The following SPIDR variants were observed in gnomAD, a reference collection of about 807,000 sequenced individuals.
SPIDR encodes the protein DNA repair-scaffolding protein.
Under a neutral mutation model 104.6 loss-of-function variants are expected in SPIDR, and 93 were observed. That is an observed-to-expected ratio of 0.89 (90% CI 0.75 to 1.06). The LOEUF is 1.06. Ranked by LOEUF, SPIDR falls within the 50% of genes least tolerant of loss-of-function variation. SPIDR has a pLI of 0.00. For synonymous variants in SPIDR, 431 were observed against 416.9 expected (o/e 1.03, Z -0.41); for missense variants, 1,154 against 1,111.2 (o/e 1.04, Z -0.55).
chr8:47,692,985 G>A (rs779154058), intron 11 of SPIDR, among the ~76,000 whole-genome samples: 1 of 152,130 alleles, frequency 6.6e-6, no homozygotes, highest in Non-Finnish European at 1.5e-5. Flanking sequence ...CAGAGCGATG[G>A]CCTCATTTTA....
intron 10 of SPIDR, among the ~76,000 whole-genome samples, chr8:47,669,657 A>T (rs1379023701): frequency 6.6e-6 from 1 of 152,184 alleles, no homozygotes; most frequent in African/African-American, 2.4e-5. Context: ...GAAACTTTGT[A>T]TTTGGATCTG....
chr8:47,453,645 G>A (rs2072345325), intron 8 of SPIDR, among the ~76,000 whole-genome samples: 1 of 152,136 alleles, frequency 6.6e-6, no homozygotes, highest in Non-Finnish European at 1.5e-5. Context: ...TGGAAAAACT[G>A]GCTAGCCATA....
At chr8:47,514,397 G>C (rs762202191) in intron 8 of SPIDR, among the ~76,000 whole-genome samples, 2 of 152,214 alleles carry the variant, frequency 1.3e-5, no homozygotes, top group Admixed American at 1.3e-4. Context: ...CTGTGTTGGT[G>C]CTGATGACAT....
chr8:47,674,017 AT>A (rs2076120036), intron 11 of SPIDR, 76 bp downstream of exon 11: 2 of 1,500,814 alleles, frequency 1.3e-6, no homozygotes, highest in Non-Finnish European at 1.8e-6. Context: ...CTCTAATTTT[AT>A]TTTTAAAATT....
At chr8:47,267,472 C>T (rs1236909936) in intron 1 of SPIDR, among the ~76,000 whole-genome samples, 24 of 152,220 alleles carry the variant, frequency 1.6e-4, no homozygotes, top group Admixed American at 1.4e-3. Flanking sequence ...TACAGTCTCA[C>T]CAGCAAGGAA....
chr8:47,359,817 G>A (rs1554628628), intron 5 of SPIDR, among the ~76,000 whole-genome samples: 1 of 152,104 alleles, frequency 6.6e-6, no homozygotes, highest in Non-Finnish European at 1.5e-5. Flanking sequence ...TTAAAAAATG[G>A]GATACTTCGT....
At chr8:47,579,196 A>G (rs2059452096) in intron 8 of SPIDR, among the ~76,000 whole-genome samples, 1 of 152,200 alleles carries the variant, frequency 6.6e-6, no homozygotes, top group South Asian at 2.1e-4. Flanking sequence ...GTCATATTTC[A>G]TGCTGGTGTA....
chr8:47,317,133 G>A (rs1395306172), intron 5 of SPIDR, among the ~76,000 whole-genome samples: 20 of 152,260 alleles, frequency 1.3e-4, no homozygotes, highest in East Asian at 3.9e-4. Flanking sequence ...TGCACCCAGC[G>A]TGAGCCGAAG....
At chr8:47,389,379 G>A (rs1210570297) in intron 5 of SPIDR, among the ~76,000 whole-genome samples, 26 of 152,164 alleles carry the variant, frequency 1.7e-4, no homozygotes, top group African/African-American at 6.0e-4. Flanking sequence ...TTTTTTGTAA[G>A]GATGATTTGG....
intron 10 of SPIDR, among the ~76,000 whole-genome samples, chr8:47,665,966 G>A (rs2074862525): frequency 1.3e-5 from 2 of 152,250 alleles, no homozygotes; most frequent in Non-Finnish European, 2.9e-5. Flanking sequence ...ATTTGGAAAA[G>A]CTTTAAATTG....
At chr8:47,265,160 G>A (rs2033642226) in intron 1 of SPIDR, among the ~76,000 whole-genome samples, 1 of 148,794 alleles carries the variant, frequency 6.7e-6, no homozygotes, top group African/African-American at 2.5e-5. Flanking sequence ...CTCAGAATTA[G>A]ACTACTTAGT....
At chr8:47,418,356 T>A (rs1469357881) in intron 7 of SPIDR, among the ~76,000 whole-genome samples, 8 of 152,212 alleles carry the variant, frequency 5.3e-5, no homozygotes, top group African/African-American at 1.9e-4. Context: ...GTAAGTTGGA[T>A]TCCTAGGTAT....
chr8:47,506,359 G>A (rs947232471), intron 8 of SPIDR, among the ~76,000 whole-genome samples: 1 of 152,092 alleles, frequency 6.6e-6, no homozygotes. Context: ...AATAATGAGG[G>A]TCTCACTCTA....
At chr8:47,601,420 G>T (rs2062262488) in intron 10 of SPIDR, among the ~76,000 whole-genome samples, 1 of 152,190 alleles carries the variant, frequency 6.6e-6, no homozygotes, top group African/African-American at 2.4e-5. Flanking sequence ...GAGAGGCTAG[G>T]CGCGGTGGCT....
chr8:47,465,076 TAAAG>T (rs1564047823), intron 8 of SPIDR, among the ~76,000 whole-genome samples: 3 of 152,140 alleles, frequency 2.0e-5, no homozygotes, highest in African/African-American at 2.4e-5. Flanking sequence ...TCAACATTCT[TAAAG>T]AAAGAAATTC....
At chr8:47,365,448 C>T (rs1293547151) in intron 5 of SPIDR, among the ~76,000 whole-genome samples, 3 of 152,178 alleles carry the variant, frequency 2.0e-5, no homozygotes, top group African/African-American at 7.2e-5. Flanking sequence ...CGGGTCTTTC[C>T]GAGCAACATG....
intron 6 of SPIDR, among the ~76,000 whole-genome samples, chr8:47,402,731 A>AT (rs2062080022): frequency 6.6e-6 from 1 of 151,726 alleles, no homozygotes; most frequent in Admixed American, 6.6e-5. Flanking sequence ...AACAAAAAAA[A>AT]GTCCAGGACC....
At chr8:47,681,374 G>A (rs921421641) in intron 11 of SPIDR, among the ~76,000 whole-genome samples, 6 of 151,826 alleles carry the variant, frequency 4.0e-5, no homozygotes, top group East Asian at 1.9e-4. Context: ...TCCGGATTGC[G>A]ATTTTTTTTT....
At chr8:47,600,894 G>A (rs911305007) in intron 10 of SPIDR, among the ~76,000 whole-genome samples, 2 of 152,152 alleles carry the variant, frequency 1.3e-5, no homozygotes, top group African/African-American at 4.8e-5. Flanking sequence ...TCACCCTGAC[G>A]AGAAAGAACG....
Sources: allele counts gnomAD v4.1 joint callset (sites outside exome capture counted in the v4.1 genomes callset), GRCh38; gene constraint gnomAD v4.1.1; transcripts MANE v1.5; gene names NCBI Gene and HGNC (gene_info 2026-07-23, HGNC 2026-07-21).